RNF220: variants seen among roughly 807,000 people sequenced by gnomAD.
The protein encoded by RNF220 is ring finger protein 220, also known as E3 ubiquitin-protein ligase RNF220.
Under a neutral mutation model 67.1 loss-of-function variants are expected in RNF220, and 7 were observed. The ratio of observed to expected loss-of-function variants is 0.10; its 90% CI spans 0.06 to 0.20. The LOEUF (loss-of-function observed/expected upper bound fraction) is 0.20, where lower values mean the gene tolerates loss of function less well. Among genes scored for constraint, RNF220 ranks in the 10% least tolerant of loss-of-function variants. The pLI is 1.00. For missense variants in RNF220, 565 were observed against 740.3 expected (o/e 0.76, Z 2.75); for synonymous variants, 270 against 283.2 (o/e 0.95, Z 0.47).
At chr1:44,438,199 C>T (rs1040856184) in intron 2 of RNF220, among the ~76,000 whole-genome samples, 3 of 152,104 alleles carry the variant, frequency 2.0e-5, no homozygotes, top group Non-Finnish European at 4.4e-5. Flanking sequence ...TGGCTCACTG[C>T]AGCCTCAGAC....
At chr1:44,568,227 G>T (rs923840879) in intron 2 of RNF220, among the ~76,000 whole-genome samples, 1 of 152,126 alleles carries the variant, frequency 6.6e-6, no homozygotes, top group Non-Finnish European at 1.5e-5. Context: ...TCCTTACTGT[G>T]GCCACAAGGC....
intron 2 of RNF220, among the ~76,000 whole-genome samples, chr1:44,551,930 C>T (rs956787667): frequency 6.6e-6 from 1 of 152,170 alleles, no homozygotes; most frequent in African/African-American, 2.4e-5. Context: ...ATTTTTACCT[C>T]CTTATGGGGC....
chr1:44,570,760 G>A (rs1664383802), intron 2 of RNF220, among the ~76,000 whole-genome samples: 1 of 152,138 alleles, frequency 6.6e-6, no homozygotes, highest in African/African-American at 2.4e-5. Flanking sequence ...TCTTTGCACA[G>A]CAGCCAAAAT....
At chr1:44,539,820 C>T (rs1661536447) in intron 2 of RNF220, among the ~76,000 whole-genome samples, 1 of 152,182 alleles carries the variant, frequency 6.6e-6, no homozygotes, top group Admixed American at 6.5e-5. Flanking sequence ...TACCTCTCCC[C>T]CAATCTATGC....
At chr1:44,511,025 G>C (rs1382941613) in intron 2 of RNF220, among the ~76,000 whole-genome samples, 2 of 152,166 alleles carry the variant, frequency 1.3e-5, no homozygotes, top group Non-Finnish European at 2.9e-5. Flanking sequence ...GGGGGATGAC[G>C]GGGAGTGATG....
intron 2 of RNF220, among the ~76,000 whole-genome samples, chr1:44,520,085 TTGTGTGTGTGTGTGTGTG>T (rs1167831790): frequency 5.6e-5 from 6 of 106,382 alleles, no homozygotes; most frequent in Non-Finnish European, 1.1e-4. Context: ...AAGTCCAGCA[TTGTGTGTGTGTGTGTGTG>T]TGTGTGTGTG....
chr1:44,550,085 G>A (rs1662504345), intron 2 of RNF220, among the ~76,000 whole-genome samples: 1 of 152,178 alleles, frequency 6.6e-6, no homozygotes, highest in Non-Finnish European at 1.5e-5. Flanking sequence ...AATGTTTCAG[G>A]CCCTATGGCT....
intron 2 of RNF220, among the ~76,000 whole-genome samples, chr1:44,446,999 G>A (rs1486337376): frequency 1.3e-5 from 2 of 152,162 alleles, no homozygotes; most frequent in African/African-American, 2.4e-5. Context: ...TCTCCCTTAA[G>A]AAGATGTATT....
rs150226260 is a variant in RNF220 at position 44,495,106 on chromosome 1, C to T, written c.625+82384C>T. On this transcript the variant is annotated intron_variant, in intron 2 of 14. Coordinates refer to ENST00000361799, the MANE Select transcript of RNF220 (RefSeq NM_018150.4). The stretch of plus-strand genomic sequence containing the variant: ...CACACACCTGTAGTCCCAGCTACTC[C>T]GGAGGCTGAGGTGGGAGGATCACTT... 4.9e-3 allele frequency among the ~76,000 whole-genome samples: 746 copies of T among 152,010 alleles called. 3 individuals are homozygous for T. The highest frequency in any genetic ancestry group is 7.6e-3 in the Non-Finnish European group (519 of 67,926).
chr1:44,491,725 A>T (rs1276094903), intron 2 of RNF220, among the ~76,000 whole-genome samples: 1 of 151,652 alleles, frequency 6.6e-6, no homozygotes, highest in African/African-American at 2.4e-5. Flanking sequence ...GTGCAGTGGC[A>T]TGATCTCAGC....
chr1:44,650,623 G>A lies in RNF220; in HGVS notation c.1630-81G>A. ...GTCTCAGCACACACTGGTGCAGAGA[G>A]ACATGGCTGCAGGCCCAGGTGCTCA... On this transcript the variant is annotated intron_variant, in intron 14 of 14. Coordinates refer to ENST00000361799, the MANE Select transcript of RNF220 (RefSeq NM_018150.4). This position sits in a 1 kb window ranked among gnomAD's most constrained non-coding sequence, Gnocchi z 4.3. The A allele has an allele frequency of 6.9e-7, 1 of 1,457,444 alleles. No individual in the cohort carries two copies. Among genetic ancestry groups the A allele is most frequent in the African/African-American group, 1.4e-5 (1 of 71,926 alleles). 90.3% of individuals were successfully genotyped at this position (1,457,444 alleles called of 1,614,324 possible).
Position 44,405,388 on chromosome 1 carries a change from TGCTGCTGCCGCTGCCGCCGCCGCCGCC to T in RNF220, c.-257_-231del. 1.6e-6 allele frequency: 1 copy of T among 629,280 alleles called. No individual in the cohort carries two copies. The allele number at this position is 629,280 out of a possible 1,614,324, so 39.0% of individuals were successfully genotyped here. A position where few individuals can be genotyped will look rare whatever the true frequency, so the allele number is the denominator to read the frequency against. Reference sequence around the variant, plus strand: ...GGGGCCAGCCGCCTACTGCTGCTGCTGCTGCTGCCGCTGCCGCCGCCGCCGCCGCCGCTGCCTCCGCCGGCTCTGCGA... The same window carrying T: ...GGGGCCAGCCGCCTACTGCTGCTGCTGCCGCTGCCTCCGCCGGCTCTGCGA... On this transcript the variant is annotated 5_prime_UTR_variant, in exon 1 of 15. Coordinates refer to ENST00000361799, the MANE Select transcript of RNF220 (RefSeq NM_018150.4).
chr1:44,446,560 C>CTTTTT (rs1286586874), intron 2 of RNF220, among the ~76,000 whole-genome samples: 1 of 137,318 alleles, frequency 7.3e-6, no homozygotes, highest in Admixed American at 7.3e-5. Context: ...TTGGAGTAAC[C>CTTTTT]TTTTTTTTTT....
intron 3 of RNF220, among the ~76,000 whole-genome samples, chr1:44,619,544 G>A (rs1001795930): frequency 3.3e-5 from 5 of 152,216 alleles, no homozygotes; most frequent in East Asian, 1.9e-4. Flanking sequence ...TATTTCCAAG[G>A]ATAATTCAGT....
chr1:44,554,731 T>A (rs545738871), intron 2 of RNF220, among the ~76,000 whole-genome samples: 1 of 152,276 alleles, frequency 6.6e-6, no homozygotes, highest in East Asian at 1.9e-4. Context: ...GGAGCCAGTC[T>A]GAGTTCCAGC....
At chr1:44,631,862 G>A (rs1013750675) in intron 5 of RNF220, 8 of 978,682 alleles carry the variant, frequency 8.2e-6, no homozygotes, top group African/African-American at 7.0e-5. Flanking sequence ...GGCTTCTGCC[G>A]GTTGCTACCC....
intron 2 of RNF220, among the ~76,000 whole-genome samples, chr1:44,457,113 AC>A (rs1653271053): frequency 6.7e-6 from 1 of 149,872 alleles, no homozygotes; most frequent in Non-Finnish European, 1.5e-5. Flanking sequence ...AGCTATATAT[AC>A]TCTCCCAACA....
At position 44,412,051 on chromosome 1, in the gene RNF220, A is replaced by G; in HGVS notation, c.-47A>G. 1.3e-6 allele frequency: 2 copies of G among 1,569,066 alleles called. No homozygotes were observed. The highest frequency in any genetic ancestry group is 1.7e-6 in the Non-Finnish European group (2 of 1,156,486). ...CAAAGTGCTGGTTGGCCTCCCTCCC[A>G]GGGAAGACTGCTTCTTGCGTAACGC... On this transcript the variant is annotated 5_prime_UTR_variant, in exon 2 of 15. Transcript: ENST00000361799. The surrounding 1 kb of genome is among the most constrained non-coding windows in gnomAD (Gnocchi z 5.3).
chr1:44,492,313 C>CA (rs1043832380), intron 2 of RNF220, among the ~76,000 whole-genome samples: 4 of 151,968 alleles, frequency 2.6e-5, no homozygotes, highest in Admixed American at 2.0e-4. Flanking sequence ...CATATGCTCC[C>CA]GGGGGGGTGT....
Sources: gnomAD v4.1 joint callset for allele counts (sites outside exome capture counted in the v4.1 genomes callset) on GRCh38, gnomAD v4.1.1 for gene constraint, Gnocchi (gnomAD v3.1) non-coding constraint, MANE v1.5 for transcripts, NCBI Gene and HGNC (gene_info 2026-07-23, HGNC 2026-07-21) for gene names.